TTK: variants seen among roughly 807,000 people sequenced by gnomAD.
TTK encodes TTK protein kinase.
TTK carries 59 observed loss-of-function variants against 117.3 expected under a neutral mutation model. That is an observed-to-expected ratio of 0.50 (90% CI 0.41 to 0.62). The LOEUF (loss-of-function observed/expected upper bound fraction) is 0.62, where lower values mean the gene tolerates loss of function less well. TTK is among the 20% of genes least tolerant of loss of function. The pLI is 0.00. For synonymous variants in TTK, 302 were observed against 325.0 expected, an observed-to-expected ratio of 0.93 and a Z score of 0.76; for missense variants, 921 against 989.4, an observed-to-expected ratio of 0.93 and a Z score of 0.93.
At chr6:80,016,909 G>A (rs1438914381) in intron 10 of TTK, among the ~76,000 whole-genome samples, 1 of 152,168 alleles carries the variant, frequency 6.6e-6, no homozygotes, top group Non-Finnish European at 1.5e-5. Context: ...TTAAAAGCAG[G>A]AAAATGTGGA....
intron 6 of TTK, 35 bp downstream of exon 6, chr6:80,011,583 T>G (rs1404963584): frequency 6.4e-7 from 1 of 1,574,406 alleles, no homozygotes; most frequent in African/African-American, 1.4e-5. Context: ...AATGTTCATC[T>G]TCTATGTAAG....
At position 80,027,897 on chromosome 6, in the gene TTK, A is replaced by C. The variant is rs765860281; in HGVS notation, c.1407A>C (p.Pro469=). 2 of 1,596,262 alleles carry C rather than the reference A, an allele frequency of 1.3e-6. No homozygotes were observed. The change falls in exon 13 of 22, where the codon CCA becomes CCC. Residue 469 remains proline, a synonymous_variant. Coordinates refer to ENST00000369798, the MANE Select transcript of TTK (RefSeq NM_003318.5). ...LDDYMSCFRT[P]VVKNDFPPAC... The stretch of plus-strand genomic sequence containing the variant: ...ATATATTTCCTAGTTTTAGAACTCC[A>C]GTTGTAAAGAATGACTTTCCACCTG...
chr6:80,032,782 T>G (rs1321684567), intron 14 of TTK, among the ~76,000 whole-genome samples: 1 of 152,218 alleles, frequency 6.6e-6, no homozygotes, highest in African/African-American at 2.4e-5. Flanking sequence ...TATTTTCACC[T>G]AAATTACTTT....
Position 80,039,683 on chromosome 6 carries a change from GT to G in TTK, c.2131-6del. ...AACAGCAACTTTTTTGTGTTTGTTT[GT>G]TTTTTTCTTAGATAAGCCCCAAAAG... On this transcript the variant is annotated splice_polypyrimidine_tract_variant and intron_variant, in intron 18 of 21. Transcript: ENST00000369798. The G allele has an allele frequency of 6.7e-7, 1 of 1,482,892 alleles. No individual in the cohort carries two copies. Among genetic ancestry groups the G allele is most frequent in the Non-Finnish European group, 8.9e-7 (1 of 1,121,910 alleles). 91.9% of individuals were successfully genotyped at this position (1,482,892 alleles called of 1,614,324 possible).
At chr6:80,028,628 T>G (rs1767673670) in intron 13 of TTK, among the ~76,000 whole-genome samples, 1 of 152,112 alleles carries the variant, frequency 6.6e-6, no homozygotes, top group Non-Finnish European at 1.5e-5. Context: ...AGCGTTACTT[T>G]TTGTTGTGTT....
Position 80,036,480 on chromosome 6 carries a change from G to A in TTK, c.1930G>A (p.Val644Ile). The change falls in exon 17 of 22, where the codon GTT becomes ATT. Residue 644 changes from valine to isoleucine, a missense_variant. Val to Ile is a conservative substitution (Grantham distance 29, BLOSUM62 3). Transcript: ENST00000369798. Reference protein sequence around the residue: ...AVHTIHQHGIVHSDLKPANFL... With the variant: ...AVHTIHQHGIIHSDLKPANFL... ...AGTGGATTTTTATTTTAAAGGCATT[G>A]TTCACAGTGATCTTAAACCAGCTAA... 6.2e-7 allele frequency: 1 copy of A among 1,604,748 alleles called. No homozygotes were observed. The highest frequency in any genetic ancestry group is 2.2e-5 in the East Asian group (1 of 44,520).
At chr6:80,008,929 C>CTGTG (rs3049166) in intron 4 of TTK, among the ~76,000 whole-genome samples, 2,711 of 142,382 alleles carry the variant, frequency 0.019, 49 homozygotes, top group Middle Eastern at 0.035. Flanking sequence ...AACTATATAT[C>CTGTG]TGTGTGTGTG....
At chr6:80,014,729 G>GC in intron 10 of TTK, 143 bp downstream of exon 10, 1 of 827,972 alleles carries the variant, frequency 1.2e-6, no homozygotes, top group East Asian at 3.0e-5. Context: ...CAGTTATATA[G>GC]GGTATATGAA....
chr6:80,013,507 G>T, intron 9 of TTK, 141 bp downstream of exon 9: 1 of 642,214 alleles, frequency 1.6e-6, no homozygotes, highest in East Asian at 3.3e-5. Flanking sequence ...AGAGCTGTGG[G>T]ACTACGAGTG....
In TTK at chr6:80,034,276, GTAAC is replaced by G. The variant is rs368472735; in HGVS notation, c.1615-707_1615-704del. 7.7e-4 allele frequency among the ~76,000 whole-genome samples: 117 copies of G among 152,164 alleles called. 1 individual carries two copies. The East Asian group carries it at 0.019, about 24-fold the overall frequency. ...GGTAATGAGAATGGTCAAGACACTG[GTAAC>G]TTCCCATAAAACTAACAAATCACAA... On this transcript the variant is annotated intron_variant, in intron 14 of 21. Coordinates refer to ENST00000369798, the MANE Select transcript of TTK (RefSeq NM_003318.5).
intron 21 of TTK, 30 bp from the exon 22 acceptor site, chr6:80,042,089 G>A: frequency 2.7e-6 from 4 of 1,460,574 alleles, no homozygotes; most frequent in East Asian, 2.3e-5. Flanking sequence ...CTAAAAAATT[G>A]CAAAACAGAT....
intron 13 of TTK, among the ~76,000 whole-genome samples, chr6:80,030,214 G>A (rs1767718882): frequency 6.6e-6 from 1 of 152,060 alleles, no homozygotes; most frequent in Non-Finnish European, 1.5e-5. Flanking sequence ...CTAATCAGGA[G>A]GTCTTTTTGT....
At chr6:80,028,832 T>G (rs140113482) in intron 13 of TTK, among the ~76,000 whole-genome samples, 80 of 152,284 alleles carry the variant, frequency 5.3e-4, no homozygotes, top group African/African-American at 1.9e-3. Flanking sequence ...AGAGGCAGCT[T>G]AATACTGGTA....
intron 14 of TTK, among the ~76,000 whole-genome samples, chr6:80,034,562 A>G (rs1582111838): frequency 6.6e-6 from 1 of 152,154 alleles, no homozygotes; most frequent in Non-Finnish European, 1.5e-5. Flanking sequence ...TGCTGGGCTC[A>G]AGCAATTGTC....
chr6:80,027,944 A>T lies in TTK; in HGVS notation c.1454A>T (p.Tyr485Phe), dbSNP rs1767648354. 1 of 1,609,012 alleles carries T rather than the reference A, an allele frequency of 6.2e-7. No individual in the cohort carries two copies. The highest frequency in any genetic ancestry group is 1.3e-5 in the African/African-American group (1 of 74,842). The change falls in exon 13 of 22, where the codon TAT (tyrosine) becomes TTT (phenylalanine). Residue 485 changes from tyrosine (Y) to phenylalanine (F), a missense_variant. Transcript: ENST00000369798. ...FPPACQLSTP[Y>F]GQPACFQQQQ... Reference sequence around the variant, plus strand: ...CCTGCTTGTCAGTTGTCAACACCTTATGGCCAACCTGCCTGTTTCCAGCAG... The same window carrying T: ...CCTGCTTGTCAGTTGTCAACACCTTTTGGCCAACCTGCCTGTTTCCAGCAG...
chr6:80,029,382 A>C (rs1422083377), intron 13 of TTK, among the ~76,000 whole-genome samples: 1 of 152,378 alleles, frequency 6.6e-6, no homozygotes, highest in East Asian at 1.9e-4. Flanking sequence ...CTGACAGTAG[A>C]TACTAACTGG....
chr6:80,004,919 T>C (rs1766946855), intron 1 of TTK: 1 of 152,112 alleles, frequency 6.6e-6, no homozygotes, highest in African/African-American at 2.4e-5. Context: ...CAGGAGGTTT[T>C]GTTGAGGAAG....
chr6:80,039,784 AGATTT>A lies in TTK; in HGVS notation c.2220_2224del (p.Gln740HisfsTer2). 6.3e-7 allele frequency: 1 copy of A among 1,586,850 alleles called. No homozygotes were observed. The highest frequency in any genetic ancestry group is 8.6e-7 in the Non-Finnish European group (1 of 1,167,488). Reference sequence around the variant, plus strand: ...ACACCATTTCAGCAGATAATTAATCAGATTTCTAAATTACATGCCATAATTGATCC... The same window carrying A: ...ACACCATTTCAGCAGATAATTAATCACTAAATTACATGCCATAATTGATCC... On this transcript the variant is annotated frameshift_variant, in exon 19 of 22. Coordinates refer to ENST00000369798, the MANE Select transcript of TTK (RefSeq NM_003318.5). LOFTEE classifies it high-confidence loss of function.
intron 11 of TTK, among the ~76,000 whole-genome samples, chr6:80,025,633 T>A (rs1357822979): frequency 6.6e-6 from 1 of 152,208 alleles, no homozygotes; most frequent in Non-Finnish European, 1.5e-5. Context: ...CTAGATGGGC[T>A]CTGTTGTAGC....
Sources: allele counts gnomAD v4.1 joint callset (sites outside exome capture counted in the v4.1 genomes callset), GRCh38; gene constraint gnomAD v4.1.1; transcripts MANE v1.5; gene names NCBI Gene and HGNC (gene_info 2026-07-23, HGNC 2026-07-21).